GRM2: variants seen among roughly 807,000 people sequenced by gnomAD.
The protein encoded by GRM2 is glutamate metabotropic receptor 2, also known as metabotropic glutamate receptor 2.
Under a neutral mutation model 60.4 loss-of-function variants are expected in GRM2, and 35 were observed. The ratio of observed to expected loss-of-function variants is 0.58; its 90% CI spans 0.44 to 0.77. The LOEUF (loss-of-function observed/expected upper bound fraction) is 0.77. Ranked by LOEUF, GRM2 falls within the 30% of genes least tolerant of loss-of-function variation. The probability of loss-of-function intolerance (pLI) is 0.00; values close to 1 mark genes in which losing one functional copy is unlikely to be tolerated. For synonymous variants in GRM2, 437 were observed against 484.1 expected (o/e 0.90, Z 1.28); for missense variants, 925 against 1,199.5 (o/e 0.77, Z 3.38).
chr3:51,713,075 G>A lies in GRM2; in HGVS notation c.1053G>A (p.Gln351=), dbSNP rs1453425923. The A allele has an allele frequency of 1.2e-6, 2 of 1,613,214 alleles. No homozygotes were observed. Among genetic ancestry groups the A allele is most frequent in the African/African-American group, 1.3e-5 (1 of 75,074 alleles). The change falls in exon 3 of 6, where the codon CAG becomes CAA. Residue 351 remains glutamine (Q), a synonymous_variant. Transcript: ENST00000395052. This position sits in a 1 kb window ranked among gnomAD's most constrained non-coding sequence, Gnocchi z 4.8. ...RNPWFREFWE[Q]RFRCSFRQRD... ...CCTGGTTCCGTGAATTCTGGGAGCA[G>A]AGGTTCCGCTGCAGCTTCCGGCAGC...
At chr3:51,714,120 G>A in intron 3 of GRM2, 1 of 353,902 alleles carries the variant, frequency 2.8e-6, no homozygotes, top group Non-Finnish European at 5.7e-6. Flanking sequence ...TTAAGATGAA[G>A]AGTACTTCCA....
In GRM2 at chr3:51,712,345, T is replaced by C. The variant is rs537551267; in HGVS notation, c.451-128T>C. ...GACTGTCAAGTCAGGATGCAGGGCTTTAGAGAGGGAGCCTTTAGGCCTGAC... is the reference window on the plus strand; with the variant it reads ...GACTGTCAAGTCAGGATGCAGGGCTCTAGAGAGGGAGCCTTTAGGCCTGAC... On this transcript the variant is annotated intron_variant, in intron 2 of 5. Coordinates refer to ENST00000395052, the MANE Select transcript of GRM2 (RefSeq NM_000839.5). The surrounding 1 kb of genome is among the most constrained non-coding windows in gnomAD (Gnocchi z 5.3). 1.7e-5 allele frequency: 12 copies of C among 694,248 alleles called. No individual in the cohort carries two copies. In the East Asian group the frequency reaches 2.5e-4, roughly 14 times the overall value. The allele number at this position is 694,248 out of a possible 1,614,324, so 43.0% of individuals were successfully genotyped here.
Position 51,717,853 on chromosome 3 carries a change from C to T in GRM2, c.2545+36C>T. On this transcript the variant is annotated intron_variant, in intron 5 of 5. Coordinates refer to ENST00000395052, the MANE Select transcript of GRM2 (RefSeq NM_000839.5). The surrounding 1 kb of genome is among the most constrained non-coding windows in gnomAD (Gnocchi z 6.0). ...TAAGCAGCCCTCTCTGCCTGTTCCC[C>T]TCTCCCTGTCCAGCTCCTTGGGTTG... 3 of 1,590,524 alleles carry T rather than the reference C, an allele frequency of 1.9e-6. No homozygotes were observed. The highest frequency in any genetic ancestry group is 2.6e-6 in the Non-Finnish European group (3 of 1,159,552).
intron 2 of GRM2, among the ~76,000 whole-genome samples, chr3:51,709,788 A>C (rs1398338575): frequency 2.5e-4 from 3 of 11,872 alleles, no homozygotes; most frequent in South Asian, 4.6e-3. Flanking sequence ...CCACACACCC[A>C]CACACACCCC....
rs1287013369 is a variant in GRM2, at chr3:51,717,628, C to G, written c.2365-9C>G. The G allele has an allele frequency of 6.2e-7, 1 of 1,610,044 alleles. No homozygotes were observed. Among genetic ancestry groups the G allele is most frequent in the South Asian group, 1.1e-5 (1 of 90,760 alleles). On this transcript the variant is annotated splice_polypyrimidine_tract_variant and intron_variant, in intron 4 of 5. Coordinates refer to ENST00000395052, the MANE Select transcript of GRM2 (RefSeq NM_000839.5). The surrounding 1 kb of genome is among the most constrained non-coding windows in gnomAD (Gnocchi z 6.0). ...GACCTGTGCTTGTTCACCCACTCAC[C>G]CACCGCAGGTACAGACCACCACCAT...
chr3:51,715,565 G>T lies in GRM2; in HGVS notation c.1792G>T (p.Val598Phe). 1 of 1,614,082 alleles carries T rather than the reference G, an allele frequency of 6.2e-7. No homozygotes were observed. ...VFVRHNATPVVKASGRELCYI... is the reference protein window; with the variant it reads ...VFVRHNATPVFKASGRELCYI... Reference sequence around the variant, plus strand: ...TGTGCGGCACAATGCCACACCAGTGGTCAAGGCCTCAGGTCGGGAGCTCTG... The same window carrying T: ...TGTGCGGCACAATGCCACACCAGTGTTCAAGGCCTCAGGTCGGGAGCTCTG... The change falls in exon 4 of 6, where the codon GTC becomes TTC. Residue 598 changes from valine (V) to phenylalanine (F), a missense_variant. Physicochemically the swap from Val to Phe is conservative, Grantham distance 50. Coordinates refer to ENST00000395052, the MANE Select transcript of GRM2 (RefSeq NM_000839.5). This position sits in a 1 kb window ranked among gnomAD's most constrained non-coding sequence, Gnocchi z 9.0.
Position 51,716,134 on chromosome 3 carries a change from C to T in GRM2, c.2361C>T (p.Tyr787=). 1 of 1,596,280 alleles carries T rather than the reference C, an allele frequency of 6.3e-7. No individual in the cohort carries two copies. Among genetic ancestry groups the T allele is most frequent in the Non-Finnish European group, 8.6e-7 (1 of 1,163,878 alleles). Residue 787 remains tyrosine, a synonymous_variant, in exon 4 of 6, where the codon TAC becomes TAT. Coordinates refer to ENST00000395052, the MANE Select transcript of GRM2 (RefSeq NM_000839.5). The surrounding 1 kb of genome is among the most constrained non-coding windows in gnomAD (Gnocchi z 4.0). The part of the protein sequence containing the change: ...LPIFYVTSSD[Y]RVQTTTMCVS... ...TCTTCTATGTCACCTCCAGTGACTA[C>T]CGGGTGAGCTACCTGCCACAGAGGT...
intron 1 of GRM2, 58 bp downstream of exon 1, chr3:51,707,225 C>T (rs1703543794): frequency 6.6e-6 from 1 of 152,580 alleles, no homozygotes; most frequent in Admixed American, 6.5e-5. Context: ...TGGCCCTTAC[C>T]TCACGTCCCA....
chr3:51,717,814 C>G lies in GRM2; in HGVS notation c.2542C>G (p.Gln848Glu). Reference protein sequence around the residue: ...AAARASSSLGQGSGSQFVPTV... With the variant: ...AAARASSSLGEGSGSQFVPTV... ...TGCCAGGGCCAGCTCCAGCCTTGGC[C>G]AAGGTCAGTGTCCTAAGCAGCCCTC... The change falls in exon 5 of 6, where the codon CAA becomes GAA. Residue 848 changes from glutamine to glutamate, a missense_variant. Coordinates refer to ENST00000395052, the MANE Select transcript of GRM2 (RefSeq NM_000839.5). This position sits in a 1 kb window ranked among gnomAD's most constrained non-coding sequence, Gnocchi z 6.0. 1 of 1,613,386 alleles carries G rather than the reference C, an allele frequency of 6.2e-7. No individual in the cohort carries two copies. The highest frequency in any genetic ancestry group is 1.7e-5 in the Admixed American group (1 of 60,022).
At position 51,712,397 on chromosome 3, in the gene GRM2, G is replaced by C. The variant is rs1703741654; in HGVS notation, c.451-76G>C. Reference sequence around the variant, plus strand: ...TTGTGGACACTTGACACCAAGACCTGCTAGCTGTGGGGGATGCACCTGTCT... The same window carrying C: ...TTGTGGACACTTGACACCAAGACCTCCTAGCTGTGGGGGATGCACCTGTCT... On this transcript the variant is annotated intron_variant, in intron 2 of 5. Transcript: ENST00000395052. This position sits in a 1 kb window ranked among gnomAD's most constrained non-coding sequence, Gnocchi z 5.3. 1 of 957,608 alleles carries C rather than the reference G, an allele frequency of 1.0e-6. No individual in the cohort carries two copies. The allele number at this position is 957,608 out of a possible 1,614,324, so 59.3% of individuals were successfully genotyped here. A position where few individuals can be genotyped will look rare whatever the true frequency, so the allele number is the denominator to read the frequency against.
chr3:51,709,417 G>C lies in GRM2; in HGVS notation c.434G>C (p.Ser145Thr). Residue 145 changes from serine (S) to threonine (T), a missense_variant, in exon 2 of 6, where the codon AGT becomes ACT. By Grantham distance (58) the Ser-to-Thr change is moderately conservative. Transcript: ENST00000395052. ...ACTGGTGTTATTGGCGGTTCCTACA[G>C]TGATGTCTCCATCCAGGTACGTGGA... ...AITGVIGGSY[S>T]DVSIQVANLL... 1 of 1,557,366 alleles carries C rather than the reference G, an allele frequency of 6.4e-7. No individual in the cohort carries two copies. The highest frequency in any genetic ancestry group is 8.8e-7 in the Non-Finnish European group (1 of 1,141,850).
intron 2 of GRM2, among the ~76,000 whole-genome samples, chr3:51,709,668 T>C (rs1302900407): frequency 1.3e-4 from 7 of 55,582 alleles, no homozygotes; most frequent in Middle Eastern, 0.01. Flanking sequence ...ACACACACCC[T>C]CACACACACA....
rs769372609 is a variant in GRM2 at position 51,715,152 on chromosome 3, G to A, written c.1379G>A (p.Arg460His). 29 of 1,613,304 alleles carry A rather than the reference G, an allele frequency of 1.8e-5. No individual in the cohort carries two copies. The highest frequency in any genetic ancestry group is 2.2e-5 in the East Asian group (1 of 44,888). ...IGRYNIFTYL[R>H]AGSGRYRYQK... ...CGCTACAACATCTTCACCTATCTGC[G>A]TGCAGGCAGTGGGCGCTATCGCTAC... Residue 460 changes from arginine (R) to histidine (H), a missense_variant, in exon 4 of 6, where the codon CGT becomes CAT. Arg to His is a conservative substitution (Grantham distance 29). Transcript: ENST00000395052. This position sits in a 1 kb window ranked among gnomAD's most constrained non-coding sequence, Gnocchi z 9.0.
At position 51,716,661 on chromosome 3, in the gene GRM2, TAGGG is replaced by T. The variant is rs1703905315; in HGVS notation, c.2364+525_2364+528del. 6.6e-6 allele frequency among the ~76,000 whole-genome samples: 1 copy of T among 152,200 alleles called. No homozygotes were observed. Among genetic ancestry groups the T allele is most frequent in the Non-Finnish European group, 1.5e-5 (1 of 68,026 alleles). On this transcript the variant is annotated intron_variant, in intron 4 of 5. Transcript: ENST00000395052. This position sits in a 1 kb window ranked among gnomAD's most constrained non-coding sequence, Gnocchi z 4.0. ...TCCAAGGGGCAATGGCTGCTTCAGA[TAGGG>T]TGGTCAGGGAAGCCCTCTCTGAGGA... is the stretch of plus-strand genomic sequence containing the variant.
chr3:51,709,987 CTTTT>C (rs1163025951), intron 2 of GRM2, among the ~76,000 whole-genome samples: 4 of 142,768 alleles, frequency 2.8e-5, no homozygotes, highest in African/African-American at 1.0e-4. Flanking sequence ...ATTCACAACA[CTTTT>C]TTTTTTTTTC....
chr3:51,712,761 C>G lies in GRM2; in HGVS notation c.739C>G (p.Arg247Gly), dbSNP rs746276808. The G allele has an allele frequency of 6.2e-7, 1 of 1,613,450 alleles. No individual in the cohort carries two copies. The highest frequency in any genetic ancestry group is 8.5e-7 in the Non-Finnish European group (1 of 1,180,044). ...GGAGAAAGTGGGCCGTGCCATGAGC[C>G]GCGCGGCCTTTGAGGGTGTGGTGCG... ...TSEKVGRAMS[R>G]AAFEGVVRAL... Residue 247 changes from arginine (R) to glycine (G), a missense_variant, in exon 3 of 6, where the codon CGC (arginine) becomes GGC (glycine). Arg to Gly is a moderately radical substitution (Grantham distance 125). Transcript: ENST00000395052. This position sits in a 1 kb window ranked among gnomAD's most constrained non-coding sequence, Gnocchi z 5.3.
At chr3:51,710,329 T>C (rs1703668864) in intron 2 of GRM2, among the ~76,000 whole-genome samples, 1 of 152,354 alleles carries the variant, frequency 6.6e-6, no homozygotes, top group South Asian at 2.1e-4. Context: ...GCCATGGAAA[T>C]TTAATGAGTT....
chr3:51,707,294 C>T (rs1238657153), intron 1 of GRM2, 127 bp downstream of exon 1: 1 of 152,760 alleles, frequency 6.5e-6, no homozygotes, highest in Non-Finnish European at 1.5e-5. Flanking sequence ...GACAGCGTTC[C>T]CTGAGAGCTC....
In GRM2 at chr3:51,717,904, G is replaced by T. The variant is rs896621760; in HGVS notation, c.2545+87G>T. On this transcript the variant is annotated intron_variant, in intron 5 of 5. Transcript: ENST00000395052. The surrounding 1 kb of genome is among the most constrained non-coding windows in gnomAD (Gnocchi z 6.0). ...CTGAGATCTCTTGTCTGGGGGTGAG[G>T]TGCCCCCCAAATGACACTGGCAGGA... 1 of 1,451,038 alleles carries T rather than the reference G, an allele frequency of 6.9e-7. No individual in the cohort carries two copies. The highest frequency in any genetic ancestry group is 1.4e-5 in the African/African-American group (1 of 71,816). The allele number at this position is 1,451,038 out of a possible 1,614,324, so 89.9% of individuals were successfully genotyped here.
Sources: gnomAD v4.1 joint callset for allele counts (sites outside exome capture counted in the v4.1 genomes callset) on GRCh38, gnomAD v4.1.1 for gene constraint, Gnocchi (gnomAD v3.1) non-coding constraint, MANE v1.5 for transcripts, NCBI Gene and HGNC (gene_info 2026-07-23, HGNC 2026-07-21) for gene names.